The following GRIN2A variants were observed in gnomAD, a reference collection of about 807,000 sequenced individuals.
The protein encoded by GRIN2A is glutamate ionotropic receptor NMDA type subunit 2A.
GRIN2A carries 22 observed loss-of-function variants against 113.4 expected under a neutral mutation model. The ratio of observed to expected loss-of-function variants is 0.19; its 90% CI spans 0.14 to 0.28. The LOEUF (loss-of-function observed/expected upper bound fraction) is 0.28. Ranked by LOEUF, GRIN2A falls within the 10% of genes least tolerant of loss-of-function variation. The pLI, the probability that GRIN2A is intolerant of heterozygous loss-of-function variation, is 1.00. For missense variants in GRIN2A, 1,502 were observed against 1,887.0 expected (o/e 0.80, Z 3.78); for synonymous variants, 827 against 738.4 (o/e 1.12, Z -1.94).
intron 4 of GRIN2A, among the ~76,000 whole-genome samples, chr16:9,872,724 CAG>C (rs1417934526): frequency 6.6e-6 from 1 of 152,008 alleles, no homozygotes; most frequent in Non-Finnish European, 1.5e-5. Flanking sequence ...AACTCAGACA[CAG>C]AGAGACAAAT....
rs139898384 is a variant in GRIN2A at position 9,868,249 on chromosome 16, C to T, written c.1123-18288G>A. Among the ~76,000 whole-genome samples the T allele has an allele frequency of 4.7e-3, 721 of 152,212 alleles. 6 individuals are homozygous for T. Among genetic ancestry groups the T allele is most frequent in the African/African-American group, 0.016 (685 of 41,544 alleles). On this transcript the variant is annotated intron_variant, in intron 4 of 12. Transcript: ENST00000330684. ...TTTGCTCTTCATCCCATTCTCCAAA[C>T]AGCAGCCCAAACCATCACTTTATTT...
rs1364966785 is a variant in GRIN2A at position 9,840,922 on chromosome 16, A to C, written c.1497+14T>G. 1.2e-6 allele frequency: 2 copies of C among 1,613,466 alleles called. No individual in the cohort carries two copies. Among genetic ancestry groups the C allele is most frequent in the Non-Finnish European group, 1.7e-6 (2 of 1,179,556 alleles). On this transcript the variant is annotated intron_variant, in intron 6 of 12. Transcript: ENST00000330684. ...TGTCTGAGTAAGAGCCTAGGGGATG[A>C]AAAGATAACTTACTTCACCGATCAT...
At chr16:9,840,526 G>A in intron 7 of GRIN2A, 121 bp downstream of exon 7, 1 of 935,106 alleles carries the variant, frequency 1.1e-6, no homozygotes, top group Non-Finnish European at 1.7e-6. Context: ...AGCATCCTCT[G>A]AAATATGCTG....
At chr16:9,879,415 AT>A (rs1451606844) in intron 4 of GRIN2A, among the ~76,000 whole-genome samples, 2 of 152,102 alleles carry the variant, frequency 1.3e-5, no homozygotes. Context: ...CTAAAAAAAA[AT>A]TTTTTTAATC....
At chr16:9,977,974 G>A (rs2045809004) in intron 2 of GRIN2A, among the ~76,000 whole-genome samples, 1 of 152,190 alleles carries the variant, frequency 6.6e-6, no homozygotes, top group Non-Finnish European at 1.5e-5. Flanking sequence ...AGACAGCTGT[G>A]GTTTGAGAAG....
At chr16:9,953,380 C>A (rs1007795247) in intron 2 of GRIN2A, among the ~76,000 whole-genome samples, 12 of 152,112 alleles carry the variant, frequency 7.9e-5, no homozygotes, top group African/African-American at 2.9e-4. Flanking sequence ...ACAGTAGCCA[C>A]TCTGTAAATG....
chr16:10,071,041 A>C (rs1385391826), intron 2 of GRIN2A, among the ~76,000 whole-genome samples: 2 of 152,156 alleles, frequency 1.3e-5, no homozygotes, highest in Non-Finnish European at 2.9e-5. Flanking sequence ...CATTTCTCCA[A>C]AACTCTCCTC....
intron 2 of GRIN2A, among the ~76,000 whole-genome samples, chr16:10,059,052 A>G (rs1489073329): frequency 6.6e-6 from 1 of 152,244 alleles, no homozygotes; most frequent in Non-Finnish European, 1.5e-5. Flanking sequence ...AGGGATTCAG[A>G]CAAAGGCCCT....
rs977494830 is a variant in GRIN2A at position 10,180,682 on chromosome 16, C to T, written c.-18-253G>A. 2 of 606,470 alleles carry T rather than the reference C, an allele frequency of 3.3e-6. No homozygotes were observed. Among genetic ancestry groups the T allele is most frequent in the Non-Finnish European group, 5.7e-6 (2 of 348,322 alleles). The allele number at this position is 606,470 out of a possible 1,614,324, so 37.6% of individuals were successfully genotyped here. A position where few individuals can be genotyped will look rare whatever the true frequency, so the allele number is the denominator to read the frequency against. ...CTTCTCGCATCCAGCTTCCTCATCCCCTGTCTCCAGGCACTTCCCCATCCC... is the reference window on the plus strand; with the variant it reads ...CTTCTCGCATCCAGCTTCCTCATCCTCTGTCTCCAGGCACTTCCCCATCCC... On this transcript the variant is annotated intron_variant, in intron 1 of 12. Coordinates refer to ENST00000330684, the MANE Select transcript of GRIN2A (RefSeq NM_001134407.3). The surrounding 1 kb of genome is among the most constrained non-coding windows in gnomAD (Gnocchi z 7.0).
In GRIN2A at chr16:9,753,895, C is replaced by T. The variant is rs1398701801; in HGVS notation, c.*9254G>A. ...TGTAGCTGTGAATAGAAACCCTCTGCATATGGAGTTCAATCCTAGCCTTGT... is the reference window on the plus strand; with the variant it reads ...TGTAGCTGTGAATAGAAACCCTCTGTATATGGAGTTCAATCCTAGCCTTGT... On this transcript the variant is annotated 3_prime_UTR_variant, in exon 13 of 13. Transcript: ENST00000330684. 2 of 178,360 alleles carry T rather than the reference C, an allele frequency of 1.1e-5. No homozygotes were observed. Among genetic ancestry groups the T allele is most frequent in the African/African-American group, 4.7e-5 (2 of 42,288 alleles). 11.0% of individuals were successfully genotyped at this position (178,360 alleles called of 1,614,324 possible). A position where few individuals can be genotyped will look rare whatever the true frequency, so the allele number is the denominator to read the frequency against.
intron 3 of GRIN2A, among the ~76,000 whole-genome samples, chr16:9,933,152 T>G (rs1346476491): frequency 6.6e-6 from 1 of 152,242 alleles, no homozygotes; most frequent in Non-Finnish European, 1.5e-5. Context: ...TGCTGACTGC[T>G]CTTTTCAAAG....
chr16:9,943,939 A>G (rs1032962154), intron 2 of GRIN2A, among the ~76,000 whole-genome samples: 1 of 152,236 alleles, frequency 6.6e-6, no homozygotes, highest in African/African-American at 2.4e-5. Flanking sequence ...ATGGTTGAGA[A>G]GTAGGTATTC....
chr16:9,781,846 T>A (rs1461564831), intron 11 of GRIN2A, among the ~76,000 whole-genome samples: 3 of 152,206 alleles, frequency 2.0e-5, no homozygotes, highest in Non-Finnish European at 4.4e-5. Context: ...ATGTGTAGCA[T>A]TTGGAAAATA....
Position 9,961,464 on chromosome 16 carries a change from T to A in GRIN2A, c.415-22913A>T, listed in dbSNP as rs1854487447. ...ACAAAGGCATGCTATACAAGCCCAT[T>A]TATAACAGAACAGAATGGAAATTTT... On this transcript the variant is annotated intron_variant, in intron 2 of 12. Transcript: ENST00000330684. Among the ~76,000 whole-genome samples the A allele has an allele frequency of 2.0e-5, 3 of 152,288 alleles. No individual in the cohort carries two copies. The South Asian group carries it at 6.2e-4, about 32-fold the overall frequency.
At chr16:9,977,277 G>T (rs1596380538) in intron 2 of GRIN2A, among the ~76,000 whole-genome samples, 1 of 143,022 alleles carries the variant, frequency 7.0e-6, no homozygotes, top group South Asian at 2.2e-4. Flanking sequence ...GGGCAACAGA[G>T]CAATACTCTT....
intron 2 of GRIN2A, among the ~76,000 whole-genome samples, chr16:10,074,829 A>T (rs568090009): frequency 1.3e-5 from 2 of 152,228 alleles, no homozygotes; most frequent in African/African-American, 4.8e-5. Context: ...AATATAGTCA[A>T]TATACTAAAA....
At chr16:9,911,420 T>C (rs1055700042) in intron 3 of GRIN2A, among the ~76,000 whole-genome samples, 3 of 152,232 alleles carry the variant, frequency 2.0e-5, no homozygotes, top group African/African-American at 7.2e-5. Flanking sequence ...CTTAAATTTA[T>C]ATGCTAACTC....
chr16:9,901,957 T>G (rs1204845669), intron 3 of GRIN2A, among the ~76,000 whole-genome samples: 1 of 152,172 alleles, frequency 6.6e-6, no homozygotes, highest in Non-Finnish European at 1.5e-5. Flanking sequence ...TAATATATGT[T>G]GAATGGTGTG....
At chr16:9,946,372 GGGGTTGGGT>G (rs2045018057) in intron 2 of GRIN2A, among the ~76,000 whole-genome samples, 1 of 152,192 alleles carries the variant, frequency 6.6e-6, no homozygotes, top group Admixed American at 6.5e-5. Flanking sequence ...CAGAGACCAT[GGGGTTGGGT>G]CTCTGAGGAG....
Sources: allele counts gnomAD v4.1 joint callset (sites outside exome capture counted in the v4.1 genomes callset), GRCh38; gene constraint gnomAD v4.1.1; non-coding constraint Gnocchi (gnomAD v3.1); transcripts MANE v1.5; gene names NCBI Gene and HGNC (gene_info 2026-07-23, HGNC 2026-07-21).